CCDC3: variants seen among roughly 807,000 people sequenced by gnomAD.
The protein encoded by CCDC3 is coiled-coil domain containing 3, also known as coiled-coil domain-containing protein 3.
Under a neutral mutation model 21.4 loss-of-function variants are expected in CCDC3, and 24 were observed. The ratio of observed to expected loss-of-function variants is 1.12; its 90% CI spans 0.81 to 1.58. The LOEUF is 1.58. CCDC3 is among the 40% of genes most tolerant of loss of function. The pLI is 0.00. For missense variants in CCDC3, 425 were observed against 360.9 expected (o/e 1.18, Z -1.44); for synonymous variants, 186 against 166.0 (o/e 1.12, Z -0.93).
rs1194628794 is a variant in CCDC3, at chr10:12,907,106, T to C, written c.550-8427A>G. Among the ~76,000 whole-genome samples the C allele has an allele frequency of 4.6e-5, 7 of 152,214 alleles. No individual in the cohort carries two copies. The East Asian group carries it at 1.3e-3, about 29-fold the overall frequency. ...CAAGTTTATCGCATGGGGCTCTAAC[T>C]GTTGGCTAGCCTGACTCTCTCCCAG... On this transcript the variant is annotated intron_variant, in intron 2 of 2. Transcript: ENST00000378825.
At chr10:12,998,293 C>G (rs978922293) in intron 2 of CCDC3, 45 bp downstream of exon 2, 2 of 1,587,602 alleles carry the variant, frequency 1.3e-6, no homozygotes, top group Admixed American at 1.7e-5. Context: ...CAAGGTGTAG[C>G]TATACTATTG....
At chr10:12,999,273 C>A (rs530225519) in intron 1 of CCDC3, among the ~76,000 whole-genome samples, 1 of 152,096 alleles carries the variant, frequency 6.6e-6, no homozygotes, top group East Asian at 1.9e-4. Context: ...AAAAATAGTA[C>A]CTACTTTTCT....
chr10:12,943,870 G>T (rs942092049), intron 2 of CCDC3, among the ~76,000 whole-genome samples: 43 of 152,040 alleles, frequency 2.8e-4, no homozygotes, highest in African/African-American at 1.0e-3. Flanking sequence ...CACTTGTTAT[G>T]TGTCCACATC....
At chr10:12,992,989 C>T (rs979786780) in intron 2 of CCDC3, among the ~76,000 whole-genome samples, 1 of 152,142 alleles carries the variant, frequency 6.6e-6, no homozygotes, top group East Asian at 1.9e-4. Context: ...AGAACCCAAT[C>T]GATTCTGTTG....
chr10:13,081,008 G>C (rs1380565412), intron 3 of CCDC3, among the ~76,000 whole-genome samples: 9 of 152,232 alleles, frequency 5.9e-5, no homozygotes, highest in African/African-American at 2.2e-4. Context: ...ACACTAAGTA[G>C]GGATGGGGCA....
At chr10:13,020,834 G>A (rs920928118) in intron 5 of CCDC3, among the ~76,000 whole-genome samples, 16 of 151,878 alleles carry the variant, frequency 1.1e-4, no homozygotes, top group African/African-American at 3.9e-4. Context: ...ATGACTATGA[G>A]CAAAAAGTTT....
intron 2 of CCDC3, among the ~76,000 whole-genome samples, chr10:12,987,056 G>A (rs1012230686): frequency 3.9e-5 from 6 of 152,076 alleles, no homozygotes; most frequent in African/African-American, 1.4e-4. Flanking sequence ...CCACTGACCC[G>A]TGCACCCTCA....
At chr10:13,010,163 G>A (rs146699352) in intron 5 of CCDC3, among the ~76,000 whole-genome samples, 6 of 152,216 alleles carry the variant, frequency 3.9e-5, no homozygotes, top group Admixed American at 6.5e-5. Context: ...CAAGAGAATC[G>A]CTTGAACCTG....
At chr10:13,066,514 AAG>A (rs1489802910) in intron 4 of CCDC3, among the ~76,000 whole-genome samples, 1 of 152,244 alleles carries the variant, frequency 6.6e-6, no homozygotes, top group Non-Finnish European at 1.5e-5. Context: ...TCCTGGAAGA[AAG>A]AGATGTTTAG....
chr10:13,024,852 A>G (rs891484292), intron 5 of CCDC3, among the ~76,000 whole-genome samples: 27 of 152,130 alleles, frequency 1.8e-4, no homozygotes, highest in African/African-American at 6.5e-4. Flanking sequence ...CTGCCAATAC[A>G]TAACTTGGGT....
chr10:13,033,422 T>TGGCG (rs1279514710), intron 5 of CCDC3, among the ~76,000 whole-genome samples: 6 of 152,218 alleles, frequency 3.9e-5, no homozygotes, highest in Admixed American at 6.5e-5. Context: ...ATTCAGGACA[T>TGGCG]AGGCATGGGC....
Position 13,001,578 on chromosome 10 carries a change from C to T in CCDC3, c.-8G>A, listed in dbSNP as rs1835856157. 2 of 1,203,846 alleles carry T rather than the reference C, an allele frequency of 1.7e-6. No homozygotes were observed. The highest frequency in any genetic ancestry group is 2.1e-6 in the Non-Finnish European group (2 of 970,272). 74.6% of individuals were successfully genotyped at this position (1,203,846 alleles called of 1,614,324 possible). A position where few individuals can be genotyped will look rare whatever the true frequency, so the allele number is the denominator to read the frequency against. On this transcript the variant is annotated 5_prime_UTR_variant, in exon 1 of 3. Transcript: ENST00000378825. ...CAGCAGCTGGCGCAGCATGCCGGGC[C>T]CTCCCGGGGCGCACGGGGCGGCGGC...
intron 3 of CCDC3, among the ~76,000 whole-genome samples, chr10:13,076,139 C>T (rs944116049): frequency 6.6e-6 from 1 of 152,072 alleles, no homozygotes; most frequent in African/African-American, 2.4e-5. Context: ...AGGCAGGTCT[C>T]GATGGCTAAC....
chr10:12,952,016 A>T (rs1456896428), intron 2 of CCDC3, among the ~76,000 whole-genome samples: 3 of 152,086 alleles, frequency 2.0e-5, no homozygotes, highest in Non-Finnish European at 4.4e-5. Context: ...ACCATAGGCC[A>T]CGAGTATACC....
At chr10:12,919,529 G>C (rs1219261277) in intron 2 of CCDC3, among the ~76,000 whole-genome samples, 2 of 148,980 alleles carry the variant, frequency 1.3e-5, no homozygotes, top group Non-Finnish European at 3.0e-5. Context: ...GGCAGGGTTT[G>C]CAGTGAGCTG....
intron 5 of CCDC3, among the ~76,000 whole-genome samples, chr10:13,026,104 C>T (rs1320517981): frequency 6.6e-6 from 1 of 152,000 alleles, no homozygotes; most frequent in Non-Finnish European, 1.5e-5. Context: ...TTGCTTGAAC[C>T]CGAGAGGCAG....
chr10:12,932,390 TAAA>T (rs1834661034), intron 2 of CCDC3, among the ~76,000 whole-genome samples: 1 of 151,720 alleles, frequency 6.6e-6, no homozygotes, highest in South Asian at 2.1e-4. Context: ...CCTATTTTAT[TAAA>T]AAGTATAGAC....
At chr10:13,014,214 G>A (rs1832086511) in intron 5 of CCDC3, among the ~76,000 whole-genome samples, 1 of 151,774 alleles carries the variant, frequency 6.6e-6, no homozygotes, top group Non-Finnish European at 1.5e-5. Flanking sequence ...AGCACTTTGG[G>A]AGGCTGAGGC....
intron 5 of CCDC3, among the ~76,000 whole-genome samples, chr10:13,031,071 C>A (rs1466844158): frequency 6.6e-6 from 1 of 152,148 alleles, no homozygotes; most frequent in Non-Finnish European, 1.5e-5. Flanking sequence ...CACACTTATT[C>A]CAAAATTGAC....
Sources: gnomAD v4.1 joint callset for allele counts (sites outside exome capture counted in the v4.1 genomes callset) on GRCh38, gnomAD v4.1.1 for gene constraint, MANE v1.5 for transcripts, NCBI Gene and HGNC (gene_info 2026-07-23, HGNC 2026-07-21) for gene names.